VMP1: variants seen among roughly 807,000 people sequenced by gnomAD.
VMP1 encodes the protein ectopic P-granules autophagy protein 3 homolog.
VMP1 carries 11 observed loss-of-function variants against 56.0 expected under a neutral mutation model. The observed-to-expected ratio is 0.20, with a 90% CI of 0.12 to 0.32. The LOEUF (loss-of-function observed/expected upper bound fraction) is 0.32, where lower values mean the gene tolerates loss of function less well. VMP1 is among the 10% of genes least tolerant of loss of function. VMP1 has a pLI of 1.00. For missense variants in VMP1, 296 were observed against 490.3 expected, an observed-to-expected ratio of 0.60 and a Z score of 3.74; for synonymous variants, 149 against 165.0, an observed-to-expected ratio of 0.90 and a Z score of 0.74.
intron 5 of VMP1, among the ~76,000 whole-genome samples, chr17:59,759,748 C>T (rs2035973001): frequency 6.6e-6 from 1 of 151,994 alleles, no homozygotes; most frequent in South Asian, 2.1e-4. Context: ...TACATTTGGT[C>T]CATTTGCAAT....
intron 7 of VMP1, among the ~76,000 whole-genome samples, chr17:59,799,296 T>A (rs2037555233): frequency 1.3e-5 from 2 of 152,196 alleles, no homozygotes; most frequent in Non-Finnish European, 2.9e-5. Context: ...GTATTCTGCT[T>A]GCAGTATTAT....
chr17:59,838,228 T>G, intron 10 of VMP1, 67 bp from the exon 11 acceptor site: 2 of 1,400,512 alleles, frequency 1.4e-6, no homozygotes, highest in South Asian at 2.4e-5. Flanking sequence ...TACATTTTCT[T>G]TAACGTTTTT....
At chr17:59,789,072 C>T (rs1282636842) in intron 7 of VMP1, among the ~76,000 whole-genome samples, 1 of 145,092 alleles carries the variant, frequency 6.9e-6, no homozygotes, top group Non-Finnish European at 1.5e-5. Flanking sequence ...GGGTGGATCA[C>T]GAGGTCAGGA....
chr17:59,711,247 G>A (rs77913816), intron 1 of VMP1, among the ~76,000 whole-genome samples: 6,605 of 151,804 alleles, frequency 0.044, 231 homozygotes, highest in Admixed American at 0.11. Context: ...AATAGCCATT[G>A]TAGAAGAGTT....
intron 1 of VMP1, among the ~76,000 whole-genome samples, chr17:59,723,987 G>T (rs527653193): frequency 8.5e-4 from 130 of 152,086 alleles, no homozygotes; most frequent in African/African-American, 3.1e-3. Context: ...CAAGGCAGGG[G>T]GATCACTTGA....
intron 5 of VMP1, among the ~76,000 whole-genome samples, chr17:59,755,461 G>A (rs2143932726): frequency 6.6e-6 from 1 of 152,202 alleles, no homozygotes; most frequent in South Asian, 2.1e-4. Flanking sequence ...TAGCTTCAAA[G>A]ACAGTACCTT....
chr17:59,819,828 A>C (rs1686089521), intron 10 of VMP1, among the ~76,000 whole-genome samples: 1 of 152,224 alleles, frequency 6.6e-6, no homozygotes, highest in Non-Finnish European at 1.5e-5. Context: ...TGCAGAGCGC[A>C]GTGCATATAA....
chr17:59,795,090 C>G (rs2037389766), intron 7 of VMP1, among the ~76,000 whole-genome samples: 1 of 149,868 alleles, frequency 6.7e-6, no homozygotes, highest in Non-Finnish European at 1.5e-5. Context: ...CTTCTCCTGC[C>G]TCAGTCTCCC....
chr17:59,724,838 C>A (rs1479043722), intron 1 of VMP1, among the ~76,000 whole-genome samples: 1 of 151,826 alleles, frequency 6.6e-6, no homozygotes, highest in Admixed American at 6.6e-5. Flanking sequence ...TGGTGGCGGG[C>A]GCCTGTAGTC....
intron 1 of VMP1, among the ~76,000 whole-genome samples, chr17:59,714,035 C>T (rs145634198): frequency 1.9e-3 from 269 of 141,440 alleles, no homozygotes; most frequent in African/African-American, 6.9e-3. Flanking sequence ...AGCGAGACTC[C>T]GTCTTAAAAG....
At chr17:59,780,575 G>A (rs1284485254) in intron 7 of VMP1, among the ~76,000 whole-genome samples, 2 of 151,084 alleles carry the variant, frequency 1.3e-5, no homozygotes, top group Non-Finnish European at 2.9e-5. Flanking sequence ...GTTTGTTTTT[G>A]TTTTTGTTTT....
chr17:59,811,331 G>A (rs1028559156), intron 8 of VMP1, among the ~76,000 whole-genome samples: 2 of 152,186 alleles, frequency 1.3e-5, no homozygotes, highest in Non-Finnish European at 2.9e-5. Flanking sequence ...AACTGAACGG[G>A]ATTAAATTCC....
At chr17:59,788,503 A>G (rs1277825557) in intron 7 of VMP1, among the ~76,000 whole-genome samples, 3 of 146,780 alleles carry the variant, frequency 2.0e-5, no homozygotes, top group Non-Finnish European at 3.0e-5. Flanking sequence ...AAAAAGAAGA[A>G]AAAAGAAAAT....
rs991154355 is a variant in VMP1 at position 59,773,798 on chromosome 17, C to T, written c.627C>T (p.Ala209=). The part of the protein sequence containing the change: ...AIGELPPYFM[A]RAARLSGAEP... The stretch of plus-strand genomic sequence containing the variant: ...GAGAGCTGCCTCCATATTTCATGGC[C>T]AGAGCAGCTCGCCTCTCAGGTGCTG... The change falls in exon 7 of 12, where the codon GCC becomes GCT. Residue 209 remains alanine (A), a synonymous_variant. Coordinates refer to ENST00000262291, the MANE Select transcript of VMP1 (RefSeq NM_030938.5). 1.2e-6 allele frequency: 2 copies of T among 1,612,756 alleles called. No individual in the cohort carries two copies. Among genetic ancestry groups the T allele is most frequent in the African/African-American group, 1.3e-5 (1 of 74,876 alleles).
At chr17:59,792,378 C>CT (rs1279888492) in intron 7 of VMP1, among the ~76,000 whole-genome samples, 2 of 152,138 alleles carry the variant, frequency 1.3e-5, no homozygotes, top group African/African-American at 4.8e-5. Context: ...TTTTCAGTCT[C>CT]TTAAGTTTCC....
chr17:59,749,602 G>T (rs547340295), intron 5 of VMP1, among the ~76,000 whole-genome samples: 3 of 151,288 alleles, frequency 2.0e-5, no homozygotes, highest in African/African-American at 7.3e-5. Flanking sequence ...TCTCCACCTC[G>T]TGGGTTCAAG....
Position 59,736,427 on chromosome 17 carries a change from G to A in VMP1, c.212+954G>A, listed in dbSNP as rs573879098. Among the ~76,000 whole-genome samples the A allele has an allele frequency of 1.4e-3, 215 of 148,706 alleles. 2 individuals are homozygous for A. The highest frequency in any genetic ancestry group is 4.8e-3 in the African/African-American group (194 of 40,330). ...CAAAAAAAAAAAAAATTAGCCGGTCGTGGTAGTGCATGCCTGTAATCCCAG... is the reference window on the plus strand; with the variant it reads ...CAAAAAAAAAAAAAATTAGCCGGTCATGGTAGTGCATGCCTGTAATCCCAG... On this transcript the variant is annotated intron_variant, in intron 3 of 11. Coordinates refer to ENST00000262291, the MANE Select transcript of VMP1 (RefSeq NM_030938.5).
Position 59,839,716 on chromosome 17 carries a change from A to G in VMP1, c.1078-52A>G, listed in dbSNP as rs368678766. 79 of 1,562,576 alleles carry G rather than the reference A, an allele frequency of 5.1e-5. No individual in the cohort carries two copies. The African/African-American group carries it at 1.0e-3, about 21-fold the overall frequency. On this transcript the variant is annotated intron_variant, in intron 11 of 11. Transcript: ENST00000262291. ...CATTATAGATGATCCTCTTTTTACTACTGAACTAATGAAGCCTTTTTCATT... is the reference window on the plus strand; with the variant it reads ...CATTATAGATGATCCTCTTTTTACTGCTGAACTAATGAAGCCTTTTTCATT...
chr17:59,780,530 C>T (rs1357500460), intron 7 of VMP1, among the ~76,000 whole-genome samples: 3 of 152,148 alleles, frequency 2.0e-5, no homozygotes, highest in South Asian at 2.1e-4. Context: ...AAGTGAAGAA[C>T]TAGTTTTTTC....
Sources: allele counts gnomAD v4.1 joint callset (sites outside exome capture counted in the v4.1 genomes callset), GRCh38; gene constraint gnomAD v4.1.1; transcripts MANE v1.5; gene names NCBI Gene and HGNC (gene_info 2026-07-23, HGNC 2026-07-21).